The following ZFP69 variants were observed in gnomAD, a reference collection of about 807,000 sequenced individuals.
ZFP69 encodes the protein zinc finger protein 69 homolog.
In ZFP69, 35 loss-of-function variants were observed where a neutral mutation model predicts 48.9. The observed-to-expected ratio is 0.72, with a 90% CI of 0.55 to 0.95. The LOEUF is 0.95. ZFP69 is among the 40% of genes least tolerant of loss of function. The probability of loss-of-function intolerance (pLI) is 0.00; values close to 1 mark genes in which losing one functional copy is unlikely to be tolerated. For missense variants in ZFP69, 557 were observed against 638.4 expected (o/e 0.87, Z 1.37); for synonymous variants, 193 against 216.8 (o/e 0.89, Z 0.96).
rs763003690 is a variant in ZFP69 at position 40,479,297 on chromosome 1, C to T, written c.-65C>T. On this transcript the variant is annotated 5_prime_UTR_variant, in exon 2 of 6. Coordinates refer to ENST00000372706, the MANE Select transcript of ZFP69 (RefSeq NM_001320179.2). Reference sequence around the variant, plus strand: ...TGAGCAACACCCCACAACTGTGAAGCGTCTCATCAAGAGCTTCTGGCAATT... The same window carrying T: ...TGAGCAACACCCCACAACTGTGAAGTGTCTCATCAAGAGCTTCTGGCAATT... 399 of 1,603,610 alleles carry T rather than the reference C, an allele frequency of 2.5e-4. 1 individual carries two copies. The highest frequency in any genetic ancestry group is 3.1e-4 in the Non-Finnish European group (366 of 1,174,260).
intron 3 of ZFP69, among the ~76,000 whole-genome samples, chr1:40,484,962 G>A (rs1032081247): frequency 2.3e-5 from 3 of 129,616 alleles, no homozygotes; most frequent in South Asian, 2.5e-4. Flanking sequence ...GCATGATCTC[G>A]GCTCACTGCA....
rs1335725269 is a variant in ZFP69, at chr1:40,479,276, C to G, written c.-86C>G. 7 of 1,584,872 alleles carry G rather than the reference C, an allele frequency of 4.4e-6. No homozygotes were observed. In the African/African-American group the frequency reaches 9.4e-5, roughly 21 times the overall value. ...TGAGGGCAGGTGATTGGAATCTGAG[C>G]AACACCCCACAACTGTGAAGCGTCT... On this transcript the variant is annotated 5_prime_UTR_variant, in exon 2 of 6. Transcript: ENST00000372706.
chr1:40,495,527 C>G lies in ZFP69; in HGVS notation c.1049C>G (p.Thr350Ser), dbSNP rs745417353. The G allele has an allele frequency of 1.2e-6, 2 of 1,614,168 alleles. No homozygotes were observed. The highest frequency in any genetic ancestry group is 1.7e-6 in the Non-Finnish European group (2 of 1,180,022). Reference protein sequence around the residue: ...SSLNQHHRTHTGEKPYVCDKC... With the variant: ...SSLNQHHRTHSGEKPYVCDKC... The stretch of plus-strand genomic sequence containing the variant: ...CTTAATCAGCATCATAGAACTCACA[C>G]TGGGGAGAAACCCTATGTATGTGAT... Residue 350 changes from threonine to serine, a missense_variant, in exon 6 of 6, where the codon ACT becomes AGT. Thr to Ser is a moderately conservative substitution (Grantham distance 58). Transcript: ENST00000372706.
At chr1:40,478,317 G>A (rs1363414023) in intron 1 of ZFP69, among the ~76,000 whole-genome samples, 1 of 152,128 alleles carries the variant, frequency 6.6e-6, no homozygotes, top group Admixed American at 6.5e-5. Flanking sequence ...GATTTGAGTT[G>A]TTTCCAAATT....
chr1:40,491,009 C>T (rs1423249904), intron 5 of ZFP69: 1 of 152,160 alleles, frequency 6.6e-6, no homozygotes, highest in Non-Finnish European at 1.5e-5. Flanking sequence ...AATAAGCACT[C>T]TGCATTGAAA....
At position 40,496,045 on chromosome 1, in the gene ZFP69, C is replaced by G. The variant is rs572985366; in HGVS notation, c.1567C>G (p.Arg523Gly). ...TGAAATACACAGGAGGAACGCCTTCCGAAATAAGGTGTAAAAACAGATATT... is the reference window on the plus strand; with the variant it reads ...TGAAATACACAGGAGGAACGCCTTCGGAAATAAGGTGTAAAAACAGATATT... Reference protein sequence around the residue: ...HHEIHRRNAFRNKV With the variant: ...HHEIHRRNAFGNKV The change falls in exon 6 of 6, where the codon CGA (arginine) becomes GGA (glycine). Residue 523 changes from arginine to glycine, a missense_variant. Transcript: ENST00000372706. 2 of 1,582,520 alleles carry G rather than the reference C, an allele frequency of 1.3e-6. No homozygotes were observed. The highest frequency in any genetic ancestry group is 8.6e-7 in the Non-Finnish European group (1 of 1,166,230).
In ZFP69 at chr1:40,479,415, G is replaced by A; in HGVS notation, c.54G>A (p.Lys18=). 6.2e-7 allele frequency: 1 copy of A among 1,614,188 alleles called. No homozygotes were observed. The highest frequency in any genetic ancestry group is 1.7e-4 in the Middle Eastern group (1 of 6,060). The change falls in exon 2 of 6, where the codon AAG becomes AAA. Residue 18 remains lysine, a synonymous_variant. Coordinates refer to ENST00000372706, the MANE Select transcript of ZFP69 (RefSeq NM_001320179.2). ...TLPTEASTWV[K]LQHPKKAVEG... ...CTACCGAGGCCAGCACCTGGGTGAA[G>A]CTGCAACATCCAAAGAAGGCCGTGG...
At chr1:40,490,158 G>A (rs111772678) in intron 5 of ZFP69, among the ~76,000 whole-genome samples, 3,711 of 151,972 alleles carry the variant, frequency 0.024, 148 homozygotes, top group African/African-American at 0.085. Context: ...GAGCCACTGC[G>A]CCAGGCTGGT....
At chr1:40,494,815 T>C in intron 5 of ZFP69, 106 bp from the exon 6 acceptor site, 1 of 996,750 alleles carries the variant, frequency 1.0e-6, no homozygotes, top group Non-Finnish European at 1.4e-6. Context: ...ATAATCATAT[T>C]TAAATATAGT....
chr1:40,492,577 T>G (rs947466110), intron 5 of ZFP69, among the ~76,000 whole-genome samples: 3 of 152,246 alleles, frequency 2.0e-5, no homozygotes, highest in Non-Finnish European at 4.4e-5. Flanking sequence ...AAAGTTGTTC[T>G]GGTTATTCTT....
At chr1:40,487,653 G>A (rs1259387788) in intron 3 of ZFP69, among the ~76,000 whole-genome samples, 1 of 152,128 alleles carries the variant, frequency 6.6e-6, no homozygotes, top group Non-Finnish European at 1.5e-5. Context: ...CTATTGTAGT[G>A]CGCTCAGGTG....
chr1:40,494,628 T>C (rs1247700155), intron 5 of ZFP69, among the ~76,000 whole-genome samples: 1 of 146,892 alleles, frequency 6.8e-6, no homozygotes, highest in African/African-American at 2.5e-5. Flanking sequence ...ATATATAAAA[T>C]ATACATTATA....
At chr1:40,489,811 G>A (rs1303872429) in intron 5 of ZFP69, among the ~76,000 whole-genome samples, 187 bp downstream of exon 5, 1 of 152,024 alleles carries the variant, frequency 6.6e-6, no homozygotes, top group East Asian at 1.9e-4. Context: ...CATATCACAT[G>A]GTGGGAGCTG....
chr1:40,484,916 G>T (rs182150705), intron 3 of ZFP69, among the ~76,000 whole-genome samples: 66 of 70,616 alleles, frequency 9.3e-4, no homozygotes, highest in African/African-American at 3.9e-3. Flanking sequence ...TTTTGATATG[G>T]AGTTTCACTC....
intron 1 of ZFP69, among the ~76,000 whole-genome samples, chr1:40,478,719 A>C (rs1645414271): frequency 1.3e-5 from 2 of 152,156 alleles, no homozygotes; most frequent in African/African-American, 4.8e-5. Context: ...TATTATCTCC[A>C]TTTTATAGAT....
intron 3 of ZFP69, among the ~76,000 whole-genome samples, chr1:40,484,027 A>G (rs1347826190): frequency 6.6e-6 from 1 of 152,134 alleles, no homozygotes; most frequent in Non-Finnish European, 1.5e-5. Context: ...ATGAGCCGAG[A>G]TTGCGCCATT....
At chr1:40,494,094 A>G (rs1645596593) in intron 5 of ZFP69, among the ~76,000 whole-genome samples, 1 of 152,110 alleles carries the variant, frequency 6.6e-6, no homozygotes, top group Non-Finnish European at 1.5e-5. Context: ...TTCTGAACGA[A>G]TGTCTCCTGC....
intron 3 of ZFP69, among the ~76,000 whole-genome samples, chr1:40,486,887 ATT>A (rs1418303068): frequency 6.8e-6 from 1 of 146,000 alleles, no homozygotes; most frequent in Non-Finnish European, 1.5e-5. Flanking sequence ...ATTTTTAGAT[ATT>A]GTCTTTTTCA....
In ZFP69 at chr1:40,495,044, G is replaced by C. The variant is rs1404902493; in HGVS notation, c.566G>C (p.Arg189Thr). The change falls in exon 6 of 6, where the codon AGA (arginine) becomes ACA (threonine). Residue 189 changes from arginine to threonine, a missense_variant. Physicochemically the swap from Arg to Thr is moderately conservative, Grantham distance 71. Coordinates refer to ENST00000372706, the MANE Select transcript of ZFP69 (RefSeq NM_001320179.2). ...MRDDIIYSTL[R>T]KVSTYDDVLE... ...GATGATATAATTTATTCCACGTTGAGAAAAGTCTCCACATATGATGATGTC... is the reference window on the plus strand; with the variant it reads ...GATGATATAATTTATTCCACGTTGACAAAAGTCTCCACATATGATGATGTC... The C allele has an allele frequency of 6.2e-7, 1 of 1,614,000 alleles. No homozygotes were observed. Among genetic ancestry groups the C allele is most frequent in the Non-Finnish European group, 8.5e-7 (1 of 1,179,998 alleles).
Sources: gnomAD v4.1 joint callset for allele counts (sites outside exome capture counted in the v4.1 genomes callset) on GRCh38, gnomAD v4.1.1 for gene constraint, MANE v1.5 for transcripts, NCBI Gene and HGNC (gene_info 2026-07-23, HGNC 2026-07-21) for gene names.